The following LRRC3B variants were observed in gnomAD, a reference collection of about 807,000 sequenced individuals.
LRRC3B encodes leucine rich repeat containing 3B.
Under a neutral mutation model 12.8 loss-of-function variants are expected in LRRC3B, and 2 were observed. The ratio of observed to expected loss-of-function variants is 0.16; its 90% CI spans 0.06 to 0.49. The LOEUF (loss-of-function observed/expected upper bound fraction) is 0.49. Among genes scored for constraint, LRRC3B ranks in the 20% least tolerant of loss-of-function variants. The pLI is 0.96. For missense variants in LRRC3B, 189 were observed against 319.4 expected, an observed-to-expected ratio of 0.59 and a Z score of 3.11; for synonymous variants, 132 against 122.0, an observed-to-expected ratio of 1.08 and a Z score of -0.54.
At chr3:26,678,501 GAA>G (rs112029745) in intron 1 of LRRC3B, among the ~76,000 whole-genome samples, 149 of 144,974 alleles carry the variant, frequency 1.0e-3, no homozygotes, top group African/African-American at 3.4e-3. Flanking sequence ...CTCAAAAAAC[GAA>G]AAAAAAAAAA....
chr3:26,644,560 G>A (rs1416497928), intron 1 of LRRC3B, among the ~76,000 whole-genome samples: 2 of 152,116 alleles, frequency 1.3e-5, no homozygotes, highest in Admixed American at 1.3e-4. Context: ...AAAGGACAGG[G>A]TAAAAAACCA....
chr3:26,646,598 TAAAAAAAAAAAAAAA>T (rs529066996), intron 1 of LRRC3B, among the ~76,000 whole-genome samples: 10 of 99,662 alleles, frequency 1.0e-4, no homozygotes, highest in East Asian at 3.8e-4. Context: ...GGATAGGAGG[TAAAAAAAAAAAAAAA>T]AAAAAAAAAA....
At chr3:26,652,587 A>G (rs1351417253) in intron 1 of LRRC3B, among the ~76,000 whole-genome samples, 3 of 152,226 alleles carry the variant, frequency 2.0e-5, no homozygotes, top group Admixed American at 6.5e-5. Context: ...TCAACGGTAC[A>G]TAAAGACAGT....
At chr3:26,680,311 C>T (rs1008538392) in intron 1 of LRRC3B, among the ~76,000 whole-genome samples, 1 of 152,144 alleles carries the variant, frequency 6.6e-6, no homozygotes, top group African/African-American at 2.4e-5. Flanking sequence ...CTTGAAGTTT[C>T]TATGTTTAGG....
At chr3:26,707,776 GTT>G (rs34355790) in intron 1 of LRRC3B, among the ~76,000 whole-genome samples, 1,618 of 143,244 alleles carry the variant, frequency 0.011, 21 homozygotes, top group African/African-American at 0.037. Flanking sequence ...TTCCACACCT[GTT>G]TTTTTTTTTC....
At chr3:26,691,960 G>T (rs1456292531) in intron 1 of LRRC3B, among the ~76,000 whole-genome samples, 1 of 152,100 alleles carries the variant, frequency 6.6e-6, no homozygotes, top group African/African-American at 2.4e-5. Context: ...TTTGATGTTT[G>T]TCTTCGTGTT....
chr3:26,623,064 G>T, exon 1 of LRRC3B: 1 of 152,094 alleles, frequency 6.6e-6, no homozygotes, highest in South Asian at 2.0e-4. Flanking sequence ...CCTTCGCCGG[G>T]AGCCAAGCCC....
chr3:26,625,846 C>A (rs915798156), intron 1 of LRRC3B, among the ~76,000 whole-genome samples: 1 of 152,024 alleles, frequency 6.6e-6, no homozygotes, highest in Non-Finnish European at 1.5e-5. Flanking sequence ...TCACAACAAC[C>A]CTGAAAAATG....
chr3:26,663,334 CA>C (rs1436019310), intron 1 of LRRC3B, among the ~76,000 whole-genome samples: 1 of 152,094 alleles, frequency 6.6e-6, no homozygotes, highest in Non-Finnish European at 1.5e-5. Context: ...CACCCCAATA[CA>C]CACATGCATC....
chr3:26,646,825 T>C (rs940738903), intron 1 of LRRC3B, among the ~76,000 whole-genome samples: 12 of 152,004 alleles, frequency 7.9e-5, no homozygotes, highest in Non-Finnish European at 1.8e-4. Context: ...TGTGGTATAG[T>C]GTCAGATGTA....
chr3:26,682,656 C>G (rs1315564203), intron 1 of LRRC3B, among the ~76,000 whole-genome samples: 1 of 152,180 alleles, frequency 6.6e-6, no homozygotes, highest in Non-Finnish European at 1.5e-5. Context: ...AAACTAAATG[C>G]TCCTTTTGGT....
chr3:26,633,982 A>G (rs2125402265), intron 1 of LRRC3B, among the ~76,000 whole-genome samples: 1 of 152,344 alleles, frequency 6.6e-6, no homozygotes. Flanking sequence ...TGGTAGAACT[A>G]ATTAAATTAA....
chr3:26,710,609 C>T (rs1700729124), exon 2 of LRRC3B: 3 of 723,860 alleles, frequency 4.1e-6, no homozygotes, highest in Admixed American at 3.2e-5. Flanking sequence ...AACACTACAA[C>T]ATAAATAATT....
At position 26,695,234 on chromosome 3, in the gene LRRC3B, A is replaced by T. The variant is rs188837779; in HGVS notation, c.-160-14279A>T. Reference sequence around the variant, plus strand: ...ATTTAGATTAATTCTATTATTTTTTAAAAAATACTTCAGCTGGGCATGGTG... The same window carrying T: ...ATTTAGATTAATTCTATTATTTTTTTAAAAATACTTCAGCTGGGCATGGTG... On this transcript the variant is annotated intron_variant, in intron 1 of 1. Coordinates refer to ENST00000396641, the Ensembl canonical transcript of LRRC3B. Among the ~76,000 whole-genome samples the T allele has an allele frequency of 2.6e-4, 40 of 152,322 alleles. No homozygotes were observed. The East Asian group carries it at 6.9e-3, about 26-fold the overall frequency.
At chr3:26,675,358 C>T (rs1699835944) in intron 1 of LRRC3B, among the ~76,000 whole-genome samples, 1 of 152,228 alleles carries the variant, frequency 6.6e-6, no homozygotes, top group Non-Finnish European at 1.5e-5. Flanking sequence ...CTAGGTGCCA[C>T]ATGCCCCTTC....
chr3:26,651,463 T>G (rs1377655429), intron 1 of LRRC3B, among the ~76,000 whole-genome samples: 1 of 152,232 alleles, frequency 6.6e-6, no homozygotes, highest in African/African-American at 2.4e-5. Context: ...TGTGTGTATA[T>G]TTACTTGTTT....
intron 1 of LRRC3B, among the ~76,000 whole-genome samples, chr3:26,680,993 C>T (rs1053260622): frequency 4.6e-5 from 7 of 152,224 alleles, no homozygotes; most frequent in African/African-American, 1.7e-4. Flanking sequence ...ATTTTGTTCT[C>T]TCAAATATTT....
At chr3:26,655,264 GAAAT>G (rs2125418072) in intron 1 of LRRC3B, among the ~76,000 whole-genome samples, 1 of 152,226 alleles carries the variant, frequency 6.6e-6, no homozygotes, top group East Asian at 1.9e-4. Flanking sequence ...TTACAAGAAA[GAAAT>G]AAGCCTATAG....
intron 1 of LRRC3B, among the ~76,000 whole-genome samples, chr3:26,658,413 C>T (rs897335695): frequency 6.6e-6 from 1 of 152,162 alleles, no homozygotes; most frequent in African/African-American, 2.4e-5. Flanking sequence ...AGAGAGATAG[C>T]CCAATGCTTC....
Sources: gnomAD v4.1 joint callset for allele counts (sites outside exome capture counted in the v4.1 genomes callset) on GRCh38, gnomAD v4.1.1 for gene constraint, MANE v1.5 for transcripts, NCBI Gene and HGNC (gene_info 2026-07-23, HGNC 2026-07-21) for gene names.